Variants in ABCB4 observed in about 807,000 individuals in gnomAD.
ABCB4 encodes phosphatidylcholine translocator ABCB4.
In ABCB4, 76 loss-of-function variants were observed where a neutral mutation model predicts 145.7. The ratio of observed to expected loss-of-function variants is 0.52; its 90% CI spans 0.43 to 0.63. The LOEUF (loss-of-function observed/expected upper bound fraction) is 0.63, where lower values mean the gene tolerates loss of function less well. ABCB4 is among the 30% of genes least tolerant of loss of function. The pLI is 0.00. For synonymous variants in ABCB4, 517 were observed against 566.8 expected (o/e 0.91, Z 1.25); for missense variants, 1,234 against 1,553.1 (o/e 0.79, Z 3.45).
At position 87,465,172 on chromosome 7, in the gene ABCB4, C is replaced by T. The variant is rs144233742; in HGVS notation, c.136-2264G>A. Among the ~76,000 whole-genome samples the T allele has an allele frequency of 5.3e-5, 8 of 152,348 alleles. No homozygotes were observed. The East Asian group carries it at 1.3e-3, about 26-fold the overall frequency. On this transcript the variant is annotated intron_variant, in intron 3 of 27. Transcript: ENST00000649586. Reference sequence around the variant, plus strand: ...GGCACCTGGAAAATCGGGTCACTCTCACCCTAATACTGCGCTTTTCCAATG... The same window carrying T: ...GGCACCTGGAAAATCGGGTCACTCTTACCCTAATACTGCGCTTTTCCAATG...
At chr7:87,385,874 A>T in the ABCB4 span, among the ~76,000 whole-genome samples, 4 of 151,910 alleles carry the variant, frequency 2.6e-5, no homozygotes, top group African/African-American at 9.7e-5. Context: ...TTTGTTGAAA[A>T]TTTTTTTTAT....
At chr7:87,387,626 G>T in the ABCB4 span, among the ~76,000 whole-genome samples, 1 of 152,068 alleles carries the variant, frequency 6.6e-6, no homozygotes, top group South Asian at 2.1e-4. Flanking sequence ...TTACAATAAA[G>T]TAAACTAGAG....
downstream of ABCB4, among the ~76,000 whole-genome samples, chr7:87,397,849 C>T (rs1206408691): frequency 6.6e-6 from 1 of 152,196 alleles, no homozygotes; most frequent in Non-Finnish European, 1.5e-5. Flanking sequence ...AGAAGCATTA[C>T]ATTGCACATT....
At chr7:87,430,365 T>C (rs1204413848) in intron 15 of ABCB4, among the ~76,000 whole-genome samples, 1 of 152,240 alleles carries the variant, frequency 6.6e-6, no homozygotes, top group Non-Finnish European at 1.5e-5. Context: ...CAAATGTATA[T>C]ACTTTCACAA....
At chr7:87,448,049 T>G (rs1226489804) in intron 8 of ABCB4, among the ~76,000 whole-genome samples, 2 of 152,224 alleles carry the variant, frequency 1.3e-5, no homozygotes, top group Non-Finnish European at 2.9e-5. Context: ...ATAATTCAAA[T>G]GCATTATTAC....
chr7:87,378,922 A>C, the ABCB4 span, among the ~76,000 whole-genome samples: 2 of 152,196 alleles, frequency 1.3e-5, no homozygotes, highest in African/African-American at 4.8e-5. Flanking sequence ...GGAGTATCTC[A>C]TCAGAGCTAC....
At chr7:87,425,766 C>G (rs913355336) in intron 16 of ABCB4, among the ~76,000 whole-genome samples, 12 of 151,916 alleles carry the variant, frequency 7.9e-5, no homozygotes, top group African/African-American at 2.9e-4. Flanking sequence ...GTCCCGGCTA[C>G]TAAGGAGGCT....
At chr7:87,426,176 T>C (rs973096822) in intron 16 of ABCB4, among the ~76,000 whole-genome samples, 1 of 152,136 alleles carries the variant, frequency 6.6e-6, no homozygotes, top group African/African-American at 2.4e-5. Flanking sequence ...ATGTGATAGG[T>C]AGGGCTTCAG....
At chr7:87,434,525 G>A (rs376452492) in intron 14 of ABCB4, among the ~76,000 whole-genome samples, 22 of 152,116 alleles carry the variant, frequency 1.4e-4, no homozygotes, top group East Asian at 3.9e-4. Flanking sequence ...CGAGGCAGGC[G>A]AATCACGAGA....
At position 87,417,246 on chromosome 7, in the gene ABCB4, A is replaced by G. The variant is rs1809042046; in HGVS notation, c.2682+66T>C. On this transcript the variant is annotated intron_variant, in intron 21 of 27. Transcript: ENST00000649586. ...TATTAAAGCCTGCATATCATGATAA[A>G]TAATTCAAATAAAACACATGTCTAA... 6 of 1,458,512 alleles carry G rather than the reference A, an allele frequency of 4.1e-6. No homozygotes were observed. In the Admixed American group the frequency reaches 1.0e-4, roughly 25 times the overall value. The allele number at this position is 1,458,512 out of a possible 1,614,324, so 90.3% of individuals were successfully genotyped here.
At chr7:87,428,796 T>G (rs909283807) in intron 15 of ABCB4, among the ~76,000 whole-genome samples, 2 of 152,230 alleles carry the variant, frequency 1.3e-5, no homozygotes, top group South Asian at 2.1e-4. Flanking sequence ...TTGAAGATAC[T>G]GTTTAACTCT....
At chr7:87,469,835 C>G (rs1207347387) in intron 3 of ABCB4, among the ~76,000 whole-genome samples, 1 of 152,158 alleles carries the variant, frequency 6.6e-6, no homozygotes, top group Non-Finnish European at 1.5e-5. Flanking sequence ...ATCAAGCTAC[C>G]AATGACTTTC....
chr7:87,427,495 G>C (rs1809920183), intron 15 of ABCB4, among the ~76,000 whole-genome samples: 1 of 152,140 alleles, frequency 6.6e-6, no homozygotes, highest in Non-Finnish European at 1.5e-5. Context: ...AATGGGGGTG[G>C]GGGTGCTGAT....
At chr7:87,407,206 A>G (rs1808263698) in intron 25 of ABCB4, among the ~76,000 whole-genome samples, 1 of 152,202 alleles carries the variant, frequency 6.6e-6, no homozygotes, top group Non-Finnish European at 1.5e-5. Context: ...AGGAATAGAC[A>G]CAAGTCCAGC....
chr7:87,434,280 C>T (rs981227395), intron 14 of ABCB4, among the ~76,000 whole-genome samples: 45 of 151,796 alleles, frequency 3.0e-4, no homozygotes, highest in African/African-American at 1.1e-3. Flanking sequence ...ATGATAACAC[C>T]ATGATCAGGA....
intron 3 of ABCB4, among the ~76,000 whole-genome samples, chr7:87,471,060 C>A (rs1335374746): frequency 1.3e-5 from 2 of 152,102 alleles, no homozygotes; most frequent in African/African-American, 4.8e-5. Context: ...GAGTTCATGT[C>A]CTTTGTAGGG....
At chr7:87,455,097 G>A (rs771184056) in intron 4 of ABCB4, among the ~76,000 whole-genome samples, 15 of 151,952 alleles carry the variant, frequency 9.9e-5, no homozygotes, top group Non-Finnish European at 2.1e-4. Context: ...ACATAAGTAA[G>A]GGAAAGGCTA....
intron 3 of ABCB4, among the ~76,000 whole-genome samples, chr7:87,464,376 A>G (rs1812706505): frequency 6.6e-6 from 1 of 152,198 alleles, no homozygotes; most frequent in Non-Finnish European, 1.5e-5. Context: ...GGGAGCAGGT[A>G]AAGTCAAGAG....
At chr7:87,389,132 G>A in the ABCB4 span, among the ~76,000 whole-genome samples, 1 of 152,216 alleles carries the variant, frequency 6.6e-6, no homozygotes, top group East Asian at 1.9e-4. Flanking sequence ...AACAGATGCT[G>A]GAGAGGATGT....
Sources: allele counts gnomAD v4.1 joint callset (sites outside exome capture counted in the v4.1 genomes callset), GRCh38; gene constraint gnomAD v4.1.1; transcripts MANE v1.5; gene names NCBI Gene and HGNC (gene_info 2026-07-23, HGNC 2026-07-21).